The following NXPH2 variants were observed in gnomAD, a reference collection of about 807,000 sequenced individuals.
The protein encoded by NXPH2 is neurexophilin-2.
Under a neutral mutation model 19.8 loss-of-function variants are expected in NXPH2, and 5 were observed. The observed-to-expected ratio is 0.25, with a 90% confidence interval of 0.13 to 0.53. The LOEUF (loss-of-function observed/expected upper bound fraction) is 0.53, where lower values mean the gene tolerates loss of function less well. Among genes scored for constraint, NXPH2 ranks in the 20% least tolerant of loss-of-function variants. The pLI, the probability that NXPH2 is intolerant of heterozygous loss-of-function variation, is 0.96. For synonymous variants in NXPH2, 154 were observed against 127.4 expected, an observed-to-expected ratio of 1.21 and a Z score of -1.41; for missense variants, 289 against 322.8, an observed-to-expected ratio of 0.90 and a Z score of 0.80.
intron 1 of NXPH2, among the ~76,000 whole-genome samples, chr2:138,742,323 G>C (rs576980040): frequency 6.6e-6 from 1 of 152,070 alleles, no homozygotes; most frequent in Admixed American, 6.5e-5. Flanking sequence ...CAAATACTGA[G>C]GAATCCTGGA....
At chr2:138,685,367 T>C (rs112037150) in intron 1 of NXPH2, among the ~76,000 whole-genome samples, 1 of 152,230 alleles carries the variant, frequency 6.6e-6, no homozygotes, top group East Asian at 1.9e-4. Context: ...TTGATTTTAA[T>C]AGATATGCTC....
At chr2:138,752,594 A>C (rs1681843290) in intron 1 of NXPH2, among the ~76,000 whole-genome samples, 1 of 152,164 alleles carries the variant, frequency 6.6e-6, no homozygotes, top group South Asian at 2.1e-4. Flanking sequence ...TGATATTATT[A>C]ATAAACCAAT....
chr2:138,766,930 T>G (rs182656365), intron 1 of NXPH2, among the ~76,000 whole-genome samples: 1 of 152,344 alleles, frequency 6.6e-6, no homozygotes, highest in East Asian at 1.9e-4. Flanking sequence ...CATTTTTAAT[T>G]CTTCCAGTAT....
At chr2:138,732,593 G>C (rs1424209726) in intron 1 of NXPH2, among the ~76,000 whole-genome samples, 1 of 152,120 alleles carries the variant, frequency 6.6e-6, no homozygotes, top group East Asian at 1.9e-4. Context: ...GCTCTGCTGT[G>C]CTGGACCTGC....
intron 1 of NXPH2, among the ~76,000 whole-genome samples, chr2:138,694,266 AT>A (rs1157787609): frequency 2.6e-5 from 4 of 152,086 alleles, no homozygotes; most frequent in African/African-American, 9.7e-5. Context: ...TTAACTCTAA[AT>A]TTTTATTTTG....
intron 1 of NXPH2, among the ~76,000 whole-genome samples, chr2:138,681,433 T>TTA (rs1256241148): frequency 6.6e-6 from 1 of 152,228 alleles, no homozygotes. Flanking sequence ...ATATAAAGTG[T>TTA]TATGTCTTTA....
intron 1 of NXPH2, among the ~76,000 whole-genome samples, chr2:138,763,933 A>T (rs1364974942): frequency 6.6e-6 from 1 of 152,134 alleles, no homozygotes; most frequent in Non-Finnish European, 1.5e-5. Context: ...TCATTCATCC[A>T]TTCAAGCATT....
intron 1 of NXPH2, among the ~76,000 whole-genome samples, chr2:138,702,029 A>G (rs944534746): frequency 6.6e-6 from 1 of 152,186 alleles, no homozygotes; most frequent in Admixed American, 6.5e-5. Context: ...TGCAACACAG[A>G]GGCCACTTTA....
intron 1 of NXPH2, among the ~76,000 whole-genome samples, chr2:138,767,556 CT>C (rs1173084554): frequency 6.6e-6 from 1 of 152,018 alleles, no homozygotes; most frequent in African/African-American, 2.4e-5. Context: ...TCATTTTTAC[CT>C]TCTCTATTTT....
chr2:138,733,706 C>A (rs956432838), intron 1 of NXPH2, among the ~76,000 whole-genome samples: 1 of 152,128 alleles, frequency 6.6e-6, no homozygotes, highest in Non-Finnish European at 1.5e-5. Context: ...TAAGTACAGA[C>A]TATAGGTGAC....
chr2:138,757,748 C>G (rs1344596532), intron 1 of NXPH2, among the ~76,000 whole-genome samples: 2 of 151,462 alleles, frequency 1.3e-5, no homozygotes, highest in East Asian at 3.9e-4. Context: ...ATACCTCACT[C>G]TCTTATATAT....
intron 1 of NXPH2, among the ~76,000 whole-genome samples, chr2:138,696,006 C>A (rs936673043): frequency 1.3e-5 from 2 of 150,794 alleles, no homozygotes; most frequent in Non-Finnish European, 2.9e-5. Context: ...AGAGGAAGAC[C>A]CTGTCTCTAA....
At chr2:138,689,042 C>A (rs955509005) in intron 1 of NXPH2, among the ~76,000 whole-genome samples, 3 of 152,190 alleles carry the variant, frequency 2.0e-5, no homozygotes, top group Admixed American at 1.3e-4. Context: ...CATTTCAATA[C>A]TAATTTTATG....
chr2:138,751,358 C>T (rs979983739), intron 1 of NXPH2, among the ~76,000 whole-genome samples: 3 of 152,068 alleles, frequency 2.0e-5, no homozygotes, highest in African/African-American at 7.2e-5. Flanking sequence ...AATATATCCT[C>T]AACTTAAAAT....
intron 1 of NXPH2, among the ~76,000 whole-genome samples, chr2:138,699,691 G>A (rs1017797741): frequency 6.6e-6 from 1 of 152,090 alleles, no homozygotes; most frequent in Non-Finnish European, 1.5e-5. Flanking sequence ...CTAGCACAAG[G>A]GACACATTTT....
intron 1 of NXPH2, among the ~76,000 whole-genome samples, chr2:138,768,797 A>AT (rs1682130886): frequency 1.3e-5 from 2 of 152,216 alleles, no homozygotes; most frequent in African/African-American, 2.4e-5. Flanking sequence ...GGTATTTTAC[A>AT]TTTTTTGTAA....
rs756158117 is a variant in NXPH2, at chr2:138,731,315, G to A, written c.51+48876C>T. ...AAAAATCACTGAAAGCAAACTGATA[G>A]GATTTAGGAAAAGCTCGGTCAAATT... On this transcript the variant is annotated intron_variant, in intron 1 of 1. Coordinates refer to ENST00000272641, the MANE Select transcript of NXPH2 (RefSeq NM_007226.3). Among the ~76,000 whole-genome samples the A allele has an allele frequency of 4.3e-4, 66 of 152,042 alleles. 1 individual carries two copies. The highest frequency in any genetic ancestry group is 1.2e-3 in the Admixed American group (18 of 15,258).
chr2:138,711,423 G>A (rs749640376), intron 1 of NXPH2, among the ~76,000 whole-genome samples: 6 of 151,854 alleles, frequency 4.0e-5, no homozygotes, highest in South Asian at 2.1e-4. Context: ...TTACAGGCGT[G>A]AGCCACCGCG....
At chr2:138,678,522 A>G (rs182549094) in intron 1 of NXPH2, among the ~76,000 whole-genome samples, 1 of 151,666 alleles carries the variant, frequency 6.6e-6, no homozygotes, top group East Asian at 1.9e-4. Context: ...CAAAATTTCA[A>G]TTTATAACTC....
Sources: allele counts gnomAD v4.1 joint callset (sites outside exome capture counted in the v4.1 genomes callset), GRCh38; gene constraint gnomAD v4.1.1; transcripts MANE v1.5; gene names NCBI Gene and HGNC (gene_info 2026-07-23, HGNC 2026-07-21).